SBF1: variants seen among roughly 807,000 people sequenced by gnomAD.
SBF1 encodes the protein SET binding factor 1, also known as myotubularin-related protein 5.
Under a neutral mutation model 215.8 loss-of-function variants are expected in SBF1, and 65 were observed. The ratio of observed to expected loss-of-function variants is 0.30; its 90% CI spans 0.25 to 0.37. The LOEUF (loss-of-function observed/expected upper bound fraction) is 0.37. Ranked by LOEUF, SBF1 falls within the 10% of genes least tolerant of loss-of-function variation. The probability of loss-of-function intolerance (pLI) is 1.00; values close to 1 mark genes in which losing one functional copy is unlikely to be tolerated. For synonymous variants in SBF1, 1,410 were observed against 1,122.8 expected, an observed-to-expected ratio of 1.26 and a Z score of -5.11; for missense variants, 2,634 against 2,667.8, an observed-to-expected ratio of 0.99 and a Z score of 0.28.
rs963346132 is a variant in SBF1, at chr22:50,446,979, C to CGGGCG, written c.*158_*162dup. ...GACGCCAAAATAAGTTAGGGCCGGC[C>CGGGCG]GGGCGGGGCGGGGCGGGGACGGGGG... is the stretch of plus-strand genomic sequence containing the variant. On this transcript the variant is annotated 3_prime_UTR_variant, in exon 41 of 41. Transcript: ENST00000380817. The CGGGCG allele has an allele frequency of 2.5e-3, 1,773 of 720,700 alleles. 11 individuals carry two copies. The highest frequency in any genetic ancestry group is 0.016 in the African/African-American group (878 of 56,082). 44.6% of individuals were successfully genotyped at this position (720,700 alleles called of 1,614,324 possible).
chr22:50,462,829 G>A (rs1228849338), intron 17 of SBF1, 41 bp downstream of exon 17: 1 of 1,604,470 alleles, frequency 6.2e-7, no homozygotes, highest in South Asian at 1.1e-5. Flanking sequence ...CCACCAGGAA[G>A]GGGGGGCTGG....
At chr22:50,467,163 T>C (rs1383013098) in intron 5 of SBF1, 175 bp downstream of exon 5, 1 of 610,618 alleles carries the variant, frequency 1.6e-6, no homozygotes, top group African/African-American at 1.9e-5. Context: ...AGAGCACAGG[T>C]GCGAGGGCCA....
In SBF1 at chr22:50,464,892, A is replaced by T; in HGVS notation, c.1358T>A (p.Met453Lys). ...DELVAHEVAR[M>K]RADENHPQRV... ...CTGGGGGTGGTTCTCATCCGCCCGC[A>T]TCCTTGCCACCTCGTGGGCCACCAG... Residue 453 changes from methionine to lysine, a missense_variant, in exon 13 of 41, where the codon ATG becomes AAG. By Grantham distance (95) the Met-to-Lys change is moderately conservative (BLOSUM62 -1). Coordinates refer to ENST00000380817, the MANE Select transcript of SBF1 (RefSeq NM_002972.4). 1 of 1,613,730 alleles carries T rather than the reference A, an allele frequency of 6.2e-7. No individual in the cohort carries two copies. The highest frequency in any genetic ancestry group is 8.5e-7 in the Non-Finnish European group (1 of 1,180,012).
chr22:50,474,971 G>A lies in SBF1; in HGVS notation c.-131C>T, dbSNP rs2068126477. On this transcript the variant is annotated 5_prime_UTR_variant, in exon 1 of 41. Coordinates refer to ENST00000380817, the MANE Select transcript of SBF1 (RefSeq NM_002972.4). ...GGACACCCCTGGTTCGCTCCGCGGC[G>A]GCGGCGGCGGCGGCGGCGGCGGCCC... The A allele has an allele frequency of 2.3e-5, 6 of 264,842 alleles. No homozygotes were observed. The highest frequency in any genetic ancestry group is 3.2e-5 in the Non-Finnish European group (6 of 185,872). The allele number at this position is 264,842 out of a possible 1,614,324, so 16.4% of individuals were successfully genotyped here.
In SBF1 at chr22:50,455,030, T is replaced by C. The variant is rs1460282848; in HGVS notation, c.4667A>G (p.Glu1556Gly). ...TCCCCACATACCCAGCTCAATGCGC[T>C]CATAGTCAGAGTCGAGCAGGAAGGT... The part of the protein sequence containing the change: ...FRTFLLDSDY[E>G]RIELGLLYEE... The change falls in exon 34 of 41, where the codon GAG (glutamate) becomes GGG (glycine). Residue 1556 changes from glutamate to glycine, a missense_variant. Coordinates refer to ENST00000380817, the MANE Select transcript of SBF1 (RefSeq NM_002972.4). 6.2e-7 allele frequency: 1 copy of C among 1,613,990 alleles called. No homozygotes were observed. Among genetic ancestry groups the C allele is most frequent in the South Asian group, 1.1e-5 (1 of 91,090 alleles).
rs1350551272 is a variant in SBF1, at chr22:50,455,395, C to A, written c.4383G>T (p.Val1461=). 2.5e-6 allele frequency: 4 copies of A among 1,612,328 alleles called. No individual in the cohort carries two copies. The highest frequency in any genetic ancestry group is 3.4e-6 in the Non-Finnish European group (4 of 1,179,266). Residue 1461 remains valine, a synonymous_variant, in exon 33 of 41, where the codon GTG becomes GTT. Transcript: ENST00000380817. ...GGTAGAAGGGGTCTGAGAGCAGCTG[C>A]ACCAAGGATACCACCTGCCAGCACC... The part of the protein sequence containing the change: ...WDITTQVVSL[V]QLLSDPFYRT...
At position 50,446,854 on chromosome 22, in the gene SBF1, G is replaced by A. The variant is rs767144189; in HGVS notation, c.*288C>T. On this transcript the variant is annotated 3_prime_UTR_variant, in exon 41 of 41. Coordinates refer to ENST00000380817, the MANE Select transcript of SBF1 (RefSeq NM_002972.4). ...AGACTCTGGTTCTAGAAACTCGCCT[G>A]CAGCCGCTGGCTGGACCAGCACACG... 16 of 735,530 alleles carry A rather than the reference G, an allele frequency of 2.2e-5. No homozygotes were observed. Among genetic ancestry groups the A allele is most frequent in the Admixed American group, 5.2e-5 (3 of 57,258 alleles). 45.6% of individuals were successfully genotyped at this position (735,530 alleles called of 1,614,324 possible).
chr22:50,464,651 G>T lies in SBF1; in HGVS notation c.1519C>A (p.Arg507=). 1.2e-6 allele frequency: 2 copies of T among 1,608,972 alleles called. No homozygotes were observed. The highest frequency in any genetic ancestry group is 1.3e-5 in the African/African-American group (1 of 75,058). Residue 507 remains arginine (R), a synonymous_variant, in exon 14 of 41, where the codon CGG becomes AGG. Transcript: ENST00000380817. ...HLRRVPRPFP[R]LDEGTVQWIV... ...CACTGCACGGTGCCCTCATCCAGCC[G>T]GGGGAAGGGTCGGGGCACCCGTCGC...
chr22:50,464,959 G>A (rs781198364), intron 12 of SBF1, 42 bp from the exon 13 acceptor site: 44 of 1,613,698 alleles, frequency 2.7e-5, no homozygotes, highest in Middle Eastern at 3.3e-4. Context: ...ATGGTCAGGC[G>A]GAGCCAGGGC....
Position 50,445,283 on chromosome 22 carries a change from T to TG in SBF1, c.*1858dup, listed in dbSNP as rs542252783. 6 of 152,558 alleles carry TG rather than the reference T, an allele frequency of 3.9e-5. No individual in the cohort carries two copies. The highest frequency in any genetic ancestry group is 7.3e-5 in the Non-Finnish European group (5 of 68,382). 9.5% of individuals were successfully genotyped at this position (152,558 alleles called of 1,614,324 possible). On this transcript the variant is annotated 3_prime_UTR_variant, in exon 41 of 41. Coordinates refer to ENST00000380817, the MANE Select transcript of SBF1 (RefSeq NM_002972.4). Reference sequence around the variant, plus strand: ...TACTGACATTTTTCCGTTTGGGGGATGGGGGGAACCACTTCGCCTAACGCT... The same window carrying TG: ...TACTGACATTTTTCCGTTTGGGGGATGGGGGGGAACCACTTCGCCTAACGCT...
chr22:50,473,400 G>T (rs1056361543), intron 1 of SBF1, among the ~76,000 whole-genome samples: 1 of 152,120 alleles, frequency 6.6e-6, no homozygotes, highest in East Asian at 1.9e-4. Flanking sequence ...TCCCTCTGTG[G>T]GTCAAGACAA....
chr22:50,457,523 C>T (rs1483789390), intron 28 of SBF1, among the ~76,000 whole-genome samples: 5 of 152,346 alleles, frequency 3.3e-5, no homozygotes, highest in Admixed American at 2.6e-4. Context: ...ACGCCTCTGT[C>T]CAGGGCACAG....
At chr22:50,457,254 AG>A (rs2067292124) in intron 28 of SBF1, 143 bp from the exon 29 acceptor site, 4 of 605,344 alleles carry the variant, frequency 6.6e-6, no homozygotes, top group Non-Finnish European at 1.0e-5. Flanking sequence ...CCCTGATCGC[AG>A]GAAAGTGGGA....
chr22:50,470,601 A>G (rs1300495693), intron 1 of SBF1, among the ~76,000 whole-genome samples: 1 of 151,658 alleles, frequency 6.6e-6, no homozygotes, highest in Non-Finnish European at 1.5e-5. Flanking sequence ...CCCCTGGGAA[A>G]CTCTGCCCCA....
In SBF1 at chr22:50,472,293, G is replaced by C. The variant is rs535667123; in HGVS notation, c.55+2493C>G. Among the ~76,000 whole-genome samples the C allele has an allele frequency of 2.5e-4, 38 of 152,296 alleles. 2 individuals are homozygous for C. The highest frequency in any genetic ancestry group is 3.4e-3 in the Middle Eastern group (1 of 294). Reference sequence around the variant, plus strand: ...GCAACTGGGATGCTGCCTCAGGCAGGACTCATGCACCCTCAGCACCCTGGT... The same window carrying C: ...GCAACTGGGATGCTGCCTCAGGCAGCACTCATGCACCCTCAGCACCCTGGT... On this transcript the variant is annotated intron_variant, in intron 1 of 40. Transcript: ENST00000380817.
At chr22:50,451,030 G>A (rs747570864) in intron 36 of SBF1, among the ~76,000 whole-genome samples, 1 of 151,908 alleles carries the variant, frequency 6.6e-6, no homozygotes, top group African/African-American at 2.4e-5. Context: ...AATAAAAAGC[G>A]TTAAATTCAT....
chr22:50,452,147 A>G (rs2067071867), intron 36 of SBF1, among the ~76,000 whole-genome samples: 1 of 151,836 alleles, frequency 6.6e-6, no homozygotes, highest in African/African-American at 2.4e-5. Context: ...AATTAAAAAA[A>G]AAAAAAAAAA....
At position 50,447,804 on chromosome 22, in the gene SBF1, A is replaced by C. The variant is rs76498749; in HGVS notation, c.5364-195T>G. On this transcript the variant is annotated intron_variant, in intron 38 of 40. Coordinates refer to ENST00000380817, the MANE Select transcript of SBF1 (RefSeq NM_002972.4). ...TTGATGGGGGGCTGCAGGCCCAAGA[A>C]GACGACGCCCAGAAAGGAGACAGTG... 8.8e-3 allele frequency among the ~76,000 whole-genome samples: 1,338 copies of C among 152,348 alleles called. 11 individuals are homozygous for C. The highest frequency in any genetic ancestry group is 0.019 in the African/African-American group (792 of 41,586).
At position 50,474,847 on chromosome 22, in the gene SBF1, G is replaced by T; in HGVS notation, c.-7C>A. On this transcript the variant is annotated 5_prime_UTR_variant, in exon 1 of 41. Transcript: ENST00000380817. ...AGTCCGCGAGCCGCGCCATGGCGAG[G>T]GACGCGGGGCGGCCCGAGGGGCGCG... 7.0e-7 allele frequency: 1 copy of T among 1,420,044 alleles called. No homozygotes were observed. Among genetic ancestry groups the T allele is most frequent in the South Asian group, 1.4e-5 (1 of 73,628 alleles). The allele number at this position is 1,420,044 out of a possible 1,614,324, so 88.0% of individuals were successfully genotyped here.
Sources: allele counts gnomAD v4.1 joint callset (sites outside exome capture counted in the v4.1 genomes callset), GRCh38; gene constraint gnomAD v4.1.1; transcripts MANE v1.5; gene names NCBI Gene and HGNC (gene_info 2026-07-23, HGNC 2026-07-21).